Variants in PLEKHG4B observed in about 807,000 individuals in gnomAD.
PLEKHG4B encodes the protein pleckstrin homology domain-containing family G member 4B.
PLEKHG4B carries 111 observed loss-of-function variants against 121.3 expected under a neutral mutation model. The observed-to-expected ratio is 0.92, with a 90% CI of 0.78 to 1.07. PLEKHG4B has a LOEUF of 1.07. PLEKHG4B is among the 50% of genes least tolerant of loss of function. PLEKHG4B has a pLI of 0.00. For synonymous variants in PLEKHG4B, 738 were observed against 725.0 expected (o/e 1.02, Z -0.29); for missense variants, 1,831 against 1,757.8 (o/e 1.04, Z -0.74).
At chr5:96,389 A>C (rs1308489363) in intron 1 of PLEKHG4B, among the ~76,000 whole-genome samples, 1 of 152,234 alleles carries the variant, frequency 6.6e-6, no homozygotes, top group Non-Finnish European at 1.5e-5. Context: ...CTTAGGGAAA[A>C]ATATTCAATG....
chr5:148,344 C>CA (rs71590513), intron 6 of PLEKHG4B, among the ~76,000 whole-genome samples: 6,190 of 93,998 alleles, frequency 0.066, 174 homozygotes, highest in Middle Eastern at 0.1. Flanking sequence ...AACAGTTCCA[C>CA]AAAAAAAAAA....
Position 169,447 on chromosome 5 carries a change from A to G in PLEKHG4B, c.3584A>G (p.Asp1195Gly). ...DNYFPEMERM[D>G]LPQGLRGKHH... ...TATTTTCCAGAAATGGAAAGAATGGACTTGCCCCAGGGCCTTCGAGGGAAG... is the reference window on the plus strand; with the variant it reads ...TATTTTCCAGAAATGGAAAGAATGGGCTTGCCCCAGGGCCTTCGAGGGAAG... The change falls in exon 14 of 20, where the codon GAC (aspartate) becomes GGC (glycine). Residue 1195 changes from aspartate (D) to glycine (G), a missense_variant. Asp to Gly is a moderately conservative substitution (Grantham distance 94, BLOSUM62 -1). Coordinates refer to ENST00000637938, the MANE Select transcript of PLEKHG4B (RefSeq NM_052909.5). 1 of 1,614,210 alleles carries G rather than the reference A, an allele frequency of 6.2e-7. No individual in the cohort carries two copies. Among genetic ancestry groups the G allele is most frequent in the Non-Finnish European group, 8.5e-7 (1 of 1,180,044 alleles).
chr5:140,401 C>T lies in PLEKHG4B; in HGVS notation c.1162C>T (p.Leu388=). The T allele has an allele frequency of 6.4e-7, 1 of 1,553,654 alleles. No individual in the cohort carries two copies. Among genetic ancestry groups the T allele is most frequent in the Non-Finnish European group, 8.7e-7 (1 of 1,149,380 alleles). ...CTCCCTGACTGGAGCCAGCAGGGAC[C>T]TGGGGACTGGGGCAGTAGCCAGTGG... ...CSSLTGASRD[L]GTGAVASGTQ... Residue 388 remains leucine, a synonymous_variant, in exon 3 of 20, where the codon CTG becomes TTG. Transcript: ENST00000637938.
Position 169,367 on chromosome 5 carries a change from G to T in PLEKHG4B, c.3504G>T (p.Glu1168Asp), listed in dbSNP as rs747604483. 21 of 1,614,120 alleles carry T rather than the reference G, an allele frequency of 1.3e-5. No homozygotes were observed. Among genetic ancestry groups the T allele is most frequent in the Non-Finnish European group, 1.8e-5 (21 of 1,180,054 alleles). ...GSSRLRHIMAEMIATEREYIR... is the reference protein window; with the variant it reads ...GSSRLRHIMADMIATEREYIR... Reference sequence around the variant, plus strand: ...GCCGACTGAGGCACATCATGGCCGAGATGATCGCCACAGAGAGGGAGTACA... The same window carrying T: ...GCCGACTGAGGCACATCATGGCCGATATGATCGCCACAGAGAGGGAGTACA... Residue 1168 changes from glutamate to aspartate, a missense_variant, in exon 14 of 20, where the codon GAG (glutamate) becomes GAT (aspartate). Transcript: ENST00000637938.
At chr5:135,725 A>ATATATGTATG (rs1386762258) in intron 2 of PLEKHG4B, among the ~76,000 whole-genome samples, 1 of 108,686 alleles carries the variant, frequency 9.2e-6, no homozygotes, top group Non-Finnish European at 1.9e-5. Flanking sequence ...ATATATATAT[A>ATATATGTATG]TATGTATGTC....
At chr5:151,645 C>T (rs886885582) in intron 7 of PLEKHG4B, 46 bp downstream of exon 7, 10 of 1,251,664 alleles carry the variant, frequency 8.0e-6, no homozygotes, top group African/African-American at 1.5e-5. Flanking sequence ...TAAAATTAAA[C>T]ATTAAGGCAC....
chr5:128,710 G>A (rs1375829862), intron 2 of PLEKHG4B, among the ~76,000 whole-genome samples: 1 of 152,204 alleles, frequency 6.6e-6, no homozygotes, highest in Non-Finnish European at 1.5e-5. Context: ...GCCAGTGCAG[G>A]TGTTGTCCAG....
At chr5:181,820 C>A (rs899624026) in intron 19 of PLEKHG4B, 145 bp downstream of exon 19, 1 of 1,325,314 alleles carries the variant, frequency 7.5e-7, no homozygotes, top group Admixed American at 2.3e-5. Context: ...GTACGGTGGC[C>A]TCGGCCCCGC....
intron 2 of PLEKHG4B, among the ~76,000 whole-genome samples, chr5:116,146 G>GTTAC (rs2126361328): frequency 6.6e-6 from 1 of 152,266 alleles, no homozygotes; most frequent in Non-Finnish European, 1.5e-5. Flanking sequence ...TTGCAGGGTT[G>GTTAC]TTACTTAGCC....
At chr5:125,927 C>T (rs918352331) in intron 2 of PLEKHG4B, among the ~76,000 whole-genome samples, 2 of 152,208 alleles carry the variant, frequency 1.3e-5, no homozygotes, top group African/African-American at 4.8e-5. Flanking sequence ...TTTTGTCCCA[C>T]TGCCTTCTGG....
chr5:141,920 C>T (rs1735220122), intron 3 of PLEKHG4B, among the ~76,000 whole-genome samples: 1 of 152,188 alleles, frequency 6.6e-6, no homozygotes, highest in Non-Finnish European at 1.5e-5. Context: ...GCCAACCCCT[C>T]CTACCTGCCT....
chr5:162,053 G>A, intron 12 of PLEKHG4B, 109 bp downstream of exon 12: 6 of 1,385,072 alleles, frequency 4.3e-6, no homozygotes, highest in Non-Finnish European at 5.7e-6. Context: ...GTGGGACAGA[G>A]GCCGGGCACC....
intron 14 of PLEKHG4B, 70 bp from the exon 15 acceptor site, chr5:170,973 C>A: frequency 1.5e-6 from 2 of 1,318,910 alleles, no homozygotes; most frequent in Non-Finnish European, 2.1e-6. Flanking sequence ...AAGTCTGACC[C>A]GGGCTGCGGG....
intron 18 of PLEKHG4B, among the ~76,000 whole-genome samples, chr5:180,786 C>T (rs1490332219): frequency 2.6e-5 from 4 of 152,174 alleles, no homozygotes; most frequent in Admixed American, 6.5e-5. Context: ...CCCTGTGTCC[C>T]GGGCAGCCAC....
At position 173,857 on chromosome 5, in the gene PLEKHG4B, T is replaced by C. The variant is rs1736654177; in HGVS notation, c.4222-61T>C. The C allele has an allele frequency of 3.8e-6, 6 of 1,562,512 alleles. No individual in the cohort carries two copies. In the East Asian group the frequency reaches 1.4e-4, roughly 36 times the overall value. On this transcript the variant is annotated intron_variant, in intron 17 of 19. Coordinates refer to ENST00000637938, the MANE Select transcript of PLEKHG4B (RefSeq NM_052909.5). ...GACCTCCAGCACTGAGGAATTTGGG[T>C]AGCCAGTTGTTCAGAGACCATGTTC...
At chr5:170,976 G>T in intron 14 of PLEKHG4B, 67 bp from the exon 15 acceptor site, 1 of 1,345,524 alleles carries the variant, frequency 7.4e-7, no homozygotes, top group Non-Finnish European at 1.0e-6. Context: ...TCTGACCCGG[G>T]CTGCGGGAGC....
chr5:174,389 G>A (rs1477427785), intron 18 of PLEKHG4B, among the ~76,000 whole-genome samples: 1 of 150,582 alleles, frequency 6.6e-6, no homozygotes, highest in African/African-American at 2.4e-5. Context: ...GCTAGGAGTG[G>A]GGCTGGGGTG....
In PLEKHG4B at chr5:173,988, G is replaced by C. The variant is rs185255672; in HGVS notation, c.4292G>C (p.Arg1431Pro). The change falls in exon 18 of 20, where the codon CGG becomes CCG. Residue 1431 changes from arginine (R) to proline (P), a missense_variant. Transcript: ENST00000637938. ...AGGTTTGAGATTTGGTTTCGCAGGC[G>C]GCGGAAATCTCAGGACACCTACATT... ...GLRFEIWFRR[R>P]RKSQDTYILQ... 6.2e-7 allele frequency: 1 copy of C among 1,612,148 alleles called. No individual in the cohort carries two copies. The highest frequency in any genetic ancestry group is 8.5e-7 in the Non-Finnish European group (1 of 1,179,456).
chr5:133,203 G>A (rs140584623), intron 2 of PLEKHG4B, among the ~76,000 whole-genome samples: 38 of 152,314 alleles, frequency 2.5e-4, no homozygotes, highest in African/African-American at 6.3e-4. Context: ...GTCATTGTTA[G>A]TGTGTAGTAG....
Sources: gnomAD v4.1 joint callset for allele counts (sites outside exome capture counted in the v4.1 genomes callset) on GRCh38, gnomAD v4.1.1 for gene constraint, MANE v1.5 for transcripts, NCBI Gene and HGNC (gene_info 2026-07-23, HGNC 2026-07-21) for gene names.